Variants in MCMBP observed in about 807,000 individuals in gnomAD.
MCMBP encodes mini-chromosome maintenance complex-binding protein.
MCMBP carries 31 observed loss-of-function variants against 81.3 expected under a neutral mutation model. That is an observed-to-expected ratio of 0.38 (90% CI 0.29 to 0.51). The LOEUF (loss-of-function observed/expected upper bound fraction) is 0.51, where lower values mean the gene tolerates loss of function less well. Among genes scored for constraint, MCMBP ranks in the 20% least tolerant of loss-of-function variants. The probability of loss-of-function intolerance (pLI) is 0.87; values close to 1 mark genes in which losing one functional copy is unlikely to be tolerated. For missense variants in MCMBP, 645 were observed against 772.1 expected, an observed-to-expected ratio of 0.84 and a Z score of 1.95; for synonymous variants, 267 against 275.9, an observed-to-expected ratio of 0.97 and a Z score of 0.32.
chr10:119,863,279 G>T (rs910126534), intron 1 of MCMBP, among the ~76,000 whole-genome samples: 1 of 152,030 alleles, frequency 6.6e-6, no homozygotes, highest in African/African-American at 2.4e-5. Context: ...ATAGTTTCAG[G>T]TTTTATACTC....
chr10:119,856,828 T>C (rs1023571037), intron 5 of MCMBP, among the ~76,000 whole-genome samples: 6 of 152,170 alleles, frequency 3.9e-5, no homozygotes, highest in Admixed American at 3.9e-4. Context: ...TTCAGTACCT[T>C]TAAATGTGCC....
intron 1 of MCMBP, among the ~76,000 whole-genome samples, chr10:119,869,163 G>GGGTC (rs1222252759): frequency 6.6e-6 from 1 of 152,192 alleles, no homozygotes; most frequent in Non-Finnish European, 1.5e-5. Context: ...ATGAGGGTCT[G>GGGTC]GGTCGGGCGC....
chr10:119,847,872 C>A (rs1852672296), intron 7 of MCMBP, among the ~76,000 whole-genome samples, 159 bp from the exon 8 acceptor site: 1 of 151,932 alleles, frequency 6.6e-6, no homozygotes, highest in Non-Finnish European at 1.5e-5. Flanking sequence ...AAGAGTCATT[C>A]TGCTAGTTAG....
At chr10:119,852,940 G>C (rs1852883109) in intron 6 of MCMBP, 110 bp downstream of exon 6, 1 of 1,326,212 alleles carries the variant, frequency 7.5e-7, no homozygotes, top group Non-Finnish European at 1.0e-6. Context: ...CTGTAACTCT[G>C]ATAAATTGCC....
At chr10:119,853,224 A>G (rs1276544661) in intron 5 of MCMBP, 30 bp from the exon 6 acceptor site, 3 of 1,591,902 alleles carry the variant, frequency 1.9e-6, no homozygotes, top group African/African-American at 2.7e-5. Flanking sequence ...AAAGACTATC[A>G]TAAACTGAGG....
chr10:119,847,147 T>C (rs1852645007), intron 8 of MCMBP, among the ~76,000 whole-genome samples: 1 of 152,048 alleles, frequency 6.6e-6, no homozygotes, highest in African/African-American at 2.4e-5. Flanking sequence ...GGTGCTGAAC[T>C]GGAATCAGAA....
chr10:119,865,817 T>C (rs889503165), intron 1 of MCMBP, among the ~76,000 whole-genome samples: 4 of 152,010 alleles, frequency 2.6e-5, no homozygotes, highest in Non-Finnish European at 5.9e-5. Flanking sequence ...GGCTCACATC[T>C]GTAATCCCAG....
Position 119,857,455 on chromosome 10 carries a change from A to G in MCMBP, c.328-16T>C. On this transcript the variant is annotated splice_polypyrimidine_tract_variant and intron_variant, in intron 4 of 15. Transcript: ENST00000369077. ...CTTGTTGAGGCTGTGATATACATAA[A>G]AAGTGTTTTTAAAAATTTACTTTAA... 6.5e-7 allele frequency: 1 copy of G among 1,533,052 alleles called. No homozygotes were observed. 95.0% of individuals were successfully genotyped at this position (1,533,052 alleles called of 1,614,324 possible).
intron 11 of MCMBP, among the ~76,000 whole-genome samples, chr10:119,839,865 T>G (rs1852374750): frequency 6.6e-6 from 1 of 152,200 alleles, no homozygotes; most frequent in Non-Finnish European, 1.5e-5. Flanking sequence ...CTTTTCCATC[T>G]GTGTGAGGCC....
chr10:119,857,324 C>G lies in MCMBP; in HGVS notation c.429+14G>C, dbSNP rs1589795131. 1.9e-6 allele frequency: 3 copies of G among 1,566,906 alleles called. No homozygotes were observed. The highest frequency in any genetic ancestry group is 2.6e-6 in the Non-Finnish European group (3 of 1,144,120). On this transcript the variant is annotated intron_variant, in intron 5 of 15. Transcript: ENST00000369077. ...AAACCATCAACACAGTAAGAAAGTT[C>G]AGATAAAGGATATTTCTTTTACCCA...
chr10:119,869,096 G>A (rs970336600), intron 1 of MCMBP, among the ~76,000 whole-genome samples: 1 of 152,228 alleles, frequency 6.6e-6, no homozygotes, highest in Non-Finnish European at 1.5e-5. Context: ...TTAGAGGGCT[G>A]TTCCAGCGTC....
rs762684500 is a variant in MCMBP, at chr10:119,858,891, T to A, written c.320A>T (p.Glu107Val). 1.9e-6 allele frequency: 3 copies of A among 1,608,718 alleles called. No individual in the cohort carries two copies. The highest frequency in any genetic ancestry group is 1.7e-6 in the Non-Finnish European group (2 of 1,176,496). ...TATATTAAAGATACATACCCCACAC[T>A]CTGCTACATCTCTATATTTTCCAAA... ...LHFGKYRDVA[E>V]CGPQQELDLN... is the part of the protein sequence containing the mutation. The change falls in exon 4 of 16, where the codon GAG (glutamate) becomes GTG (valine). Residue 107 changes from glutamate (E) to valine (V), a missense_variant. Glu to Val is a moderately radical substitution (Grantham distance 121). Transcript: ENST00000369077.
chr10:119,867,613 G>A (rs1853518357), intron 1 of MCMBP, among the ~76,000 whole-genome samples: 1 of 152,124 alleles, frequency 6.6e-6, no homozygotes, highest in South Asian at 2.1e-4. Context: ...TGAAAATAAA[G>A]ATGCTAGCTA....
In MCMBP at chr10:119,852,890, GCA is replaced by G. The variant is rs1258838726; in HGVS notation, c.574+158_574+159del. ...TGATGCCTAATTGCTCATTTGCGAA[GCA>G]CAGTCTCATCAGAGTACTGTAAAAA... On this transcript the variant is annotated intron_variant, in intron 6 of 15. Coordinates refer to ENST00000369077, the MANE Select transcript of MCMBP (RefSeq NM_001256378.2). 9.8e-5 allele frequency among the ~76,000 whole-genome samples: 15 copies of G among 152,308 alleles called. No individual in the cohort carries two copies. The East Asian group carries it at 2.1e-3, about 22-fold the overall frequency.
Position 119,863,422 on chromosome 10 carries a change from T to C in MCMBP, c.59-3538A>G, listed in dbSNP as rs1450214912. 3.9e-5 allele frequency among the ~76,000 whole-genome samples: 6 copies of C among 152,080 alleles called. No individual in the cohort carries two copies. In the East Asian group the frequency reaches 1.2e-3, roughly 29 times the overall value. On this transcript the variant is annotated intron_variant, in intron 1 of 15. Coordinates refer to ENST00000369077, the MANE Select transcript of MCMBP (RefSeq NM_001256378.2). ...ATATCCTTTTTCCATTTGAATTAGC[T>C]TTTGTATCTTTATTAAAATGCAGCG...
At chr10:119,855,648 G>A (rs1314070008) in intron 5 of MCMBP, among the ~76,000 whole-genome samples, 2 of 151,942 alleles carry the variant, frequency 1.3e-5, no homozygotes, top group Non-Finnish European at 2.9e-5. Context: ...TCCAGCTTGG[G>A]TGACAGAGCC....
In MCMBP at chr10:119,830,840, A is replaced by C. The variant is rs1852002838; in HGVS notation, c.*634T>G. 1.3e-5 allele frequency: 2 copies of C among 152,618 alleles called. No individual in the cohort carries two copies. The highest frequency in any genetic ancestry group is 4.8e-5 in the African/African-American group (2 of 41,432). The allele number at this position is 152,618 out of a possible 1,614,324, so 9.5% of individuals were successfully genotyped here. ...ACCCCAGATTTTTGGAAATATTACT[A>C]CCGGTCCATAAAATACAAAAGTCTG... On this transcript the variant is annotated 3_prime_UTR_variant, in exon 16 of 16. Transcript: ENST00000369077.
rs1423023007 is a variant in MCMBP at position 119,835,473 on chromosome 10, G to A, written c.1707+67C>T. ...CAAAATTACCTTATCAGTAATTATG[G>A]TAAATGTAAATTGGTTGCATACTGC... On this transcript the variant is annotated intron_variant, in intron 14 of 15. Coordinates refer to ENST00000369077, the MANE Select transcript of MCMBP (RefSeq NM_001256378.2). 3.7e-6 allele frequency: 5 copies of A among 1,343,880 alleles called. No individual in the cohort carries two copies. In the South Asian group the frequency reaches 5.5e-5, roughly 15 times the overall value. 83.2% of individuals were successfully genotyped at this position (1,343,880 alleles called of 1,614,324 possible).
At chr10:119,842,618 A>G in intron 9 of MCMBP, 23 bp from the exon 10 acceptor site, 1 of 1,608,672 alleles carries the variant, frequency 6.2e-7, no homozygotes, top group Non-Finnish European at 8.5e-7. Flanking sequence ...GGAAGACCTG[A>G]GTCAGGACAC....
Sources: gnomAD v4.1 joint callset for allele counts (sites outside exome capture counted in the v4.1 genomes callset) on GRCh38, gnomAD v4.1.1 for gene constraint, MANE v1.5 for transcripts, NCBI Gene and HGNC (gene_info 2026-07-23, HGNC 2026-07-21) for gene names.